PCDH15: variants seen among roughly 807,000 people sequenced by gnomAD.
The protein encoded by PCDH15 is protocadherin related 15.
Under a neutral mutation model 178.5 loss-of-function variants are expected in PCDH15, and 129 were observed. The observed-to-expected ratio is 0.72, with a 90% CI of 0.63 to 0.84. The LOEUF is 0.84. Ranked by LOEUF, PCDH15 falls within the 40% of genes least tolerant of loss-of-function variation. The probability of loss-of-function intolerance (pLI) is 0.00; values close to 1 mark genes in which losing one functional copy is unlikely to be tolerated. For missense variants in PCDH15, 2,230 were observed against 2,099.9 expected (o/e 1.06, Z -1.21); for synonymous variants, 800 against 732.0 (o/e 1.09, Z -1.50).
chr10:55,430,644 T>A (rs1462258069), intron 2 of PCDH15, among the ~76,000 whole-genome samples: 2 of 152,092 alleles, frequency 1.3e-5, no homozygotes, highest in African/African-American at 2.4e-5. Flanking sequence ...GAAAATAAAG[T>A]GTTCCCAGTG....
chr10:54,028,287 T>A (rs373403757), intron 18 of PCDH15, among the ~76,000 whole-genome samples: 24 of 149,386 alleles, frequency 1.6e-4, no homozygotes, highest in African/African-American at 4.7e-4. Flanking sequence ...GTCAGGAAAC[T>A]ACAGGTGCTG....
intron 2 of PCDH15, among the ~76,000 whole-genome samples, chr10:55,427,938 A>G (rs1393427352): frequency 6.6e-6 from 1 of 152,148 alleles, no homozygotes; most frequent in African/African-American, 2.4e-5. Flanking sequence ...CTATTTAAAG[A>G]AAAACGAGTT....
intron 20 of PCDH15, among the ~76,000 whole-genome samples, chr10:54,019,826 T>C (rs571450348): frequency 1.3e-5 from 2 of 152,080 alleles, no homozygotes; most frequent in East Asian, 1.9e-4. Flanking sequence ...TTCAGAGTCA[T>C]ATATAAAATT....
At chr10:53,892,668 A>T (rs933393420) in intron 26 of PCDH15, among the ~76,000 whole-genome samples, 22 of 152,206 alleles carry the variant, frequency 1.4e-4, no homozygotes, top group Admixed American at 1.4e-3. Flanking sequence ...ATAAGGAGAA[A>T]TGCTATGTAT....
Position 53,822,804 on chromosome 10 carries a change from T to C in PCDH15, c.4368-2574A>G. 1 of 1,614,050 alleles carries C rather than the reference T, an allele frequency of 6.2e-7. No individual in the cohort carries two copies. Among genetic ancestry groups the C allele is most frequent in the South Asian group, 1.1e-5 (1 of 91,010 alleles). On this transcript the variant is annotated intron_variant, in intron 32 of 37. Coordinates refer to ENST00000644397, the MANE Select transcript of PCDH15 (RefSeq NM_001384140.1). ...TCCTTCTATCATCAGTGTTTCACCT[T>C]GCCTTATTTCCTCTTTCTCTGTCAA...
At chr10:54,896,893 G>C (rs1954555653) in intron 3 of PCDH15, among the ~76,000 whole-genome samples, 1 of 151,984 alleles carries the variant, frequency 6.6e-6, no homozygotes. Flanking sequence ...TTTAATATTA[G>C]GTGCTTTTAT....
intron 3 of PCDH15, among the ~76,000 whole-genome samples, chr10:54,460,134 G>T (rs2077080678): frequency 6.6e-6 from 1 of 152,010 alleles, no homozygotes; most frequent in African/African-American, 2.4e-5. Context: ...AGAATAAATG[G>T]GGTATAAAGC....
In PCDH15 at chr10:54,593,339, T is replaced by C. The variant is rs958001362; in HGVS notation, c.92-65462A>G. ...GTTTATGTCTTTAATCCATTTTAAG[T>C]TAATTTTTATTTTTGTATGTGGTAA... On this transcript the variant is annotated intron_variant, in intron 2 of 37. Coordinates refer to ENST00000644397, the MANE Select transcript of PCDH15 (RefSeq NM_001384140.1). 1.2e-4 allele frequency among the ~76,000 whole-genome samples: 19 copies of C among 152,164 alleles called. 1 individual carries two copies. Among genetic ancestry groups the C allele is most frequent in the Non-Finnish European group, 4.4e-5 (3 of 68,032 alleles).
chr10:55,540,514 A>G (rs1841734221), intron 2 of PCDH15, among the ~76,000 whole-genome samples: 1 of 152,062 alleles, frequency 6.6e-6, no homozygotes, highest in Non-Finnish European at 1.5e-5. Flanking sequence ...TTATGAAAAA[A>G]CAAACCTTCA....
intron 17 of PCDH15, among the ~76,000 whole-genome samples, chr10:54,068,676 T>C (rs2094182670): frequency 6.6e-6 from 1 of 152,180 alleles, no homozygotes; most frequent in Middle Eastern, 3.2e-3. Context: ...AAAATTAGAA[T>C]ACGGGTCACT....
chr10:53,847,932 C>T (rs925691668), intron 28 of PCDH15, among the ~76,000 whole-genome samples: 3 of 151,798 alleles, frequency 2.0e-5, no homozygotes, highest in Admixed American at 2.0e-4. Context: ...TAAATTTAGC[C>T]TTTAATATTT....
chr10:54,690,145 T>C (rs930177815), intron 1 of PCDH15, among the ~76,000 whole-genome samples: 18 of 152,168 alleles, frequency 1.2e-4, no homozygotes, highest in Admixed American at 3.3e-4. Context: ...GTAGCTGTCA[T>C]AACATTATAA....
chr10:54,688,651 T>C (rs1029312067), intron 1 of PCDH15, among the ~76,000 whole-genome samples: 1 of 152,138 alleles, frequency 6.6e-6, no homozygotes, highest in Non-Finnish European at 1.5e-5. Context: ...AATCTAGCCA[T>C]GTAAAATCAG....
At chr10:55,069,611 C>G (rs1778352031) in intron 2 of PCDH15, among the ~76,000 whole-genome samples, 1 of 144,224 alleles carries the variant, frequency 6.9e-6, no homozygotes, top group South Asian at 2.3e-4. Flanking sequence ...ATGAACTCAT[C>G]ATTTTTTATG....
chr10:54,769,509 G>A (rs1231381670), intron 1 of PCDH15, among the ~76,000 whole-genome samples: 1 of 151,122 alleles, frequency 6.6e-6, no homozygotes, highest in African/African-American at 2.4e-5. Flanking sequence ...CACCAAATTA[G>A]TGTGTGCGTC....
intron 2 of PCDH15, among the ~76,000 whole-genome samples, chr10:55,467,994 A>T (rs1839872328): frequency 7.0e-6 from 1 of 142,312 alleles, no homozygotes; most frequent in South Asian, 2.2e-4. Flanking sequence ...AAAAAAAAGA[A>T]TTAAAACTGG....
intron 2 of PCDH15, among the ~76,000 whole-genome samples, chr10:55,528,106 G>A (rs928376694): frequency 4.0e-5 from 6 of 151,856 alleles, no homozygotes; most frequent in Non-Finnish European, 8.8e-5. Context: ...GCACAATTGT[G>A]GCTCACTCTA....
chr10:55,355,029 T>C (rs547045997), intron 2 of PCDH15, among the ~76,000 whole-genome samples: 2 of 152,184 alleles, frequency 1.3e-5, no homozygotes, highest in South Asian at 4.1e-4. Flanking sequence ...GACTGTCTTA[T>C]TTCATTTAGG....
chr10:53,822,178 T>G, intron 32 of PCDH15: 1 of 1,614,040 alleles, frequency 6.2e-7, no homozygotes, highest in South Asian at 1.1e-5. Context: ...ATCAAGTTGG[T>G]CGTGCATTTA....
Sources: allele counts gnomAD v4.1 joint callset (sites outside exome capture counted in the v4.1 genomes callset), GRCh38; gene constraint gnomAD v4.1.1; transcripts MANE v1.5; gene names NCBI Gene and HGNC (gene_info 2026-07-23, HGNC 2026-07-21).